Variants in RBFOX1 observed in about 807,000 individuals in gnomAD.
RBFOX1 encodes RNA binding protein fox-1 homolog 1.
Under a neutral mutation model 57.7 loss-of-function variants are expected in RBFOX1, and 8 were observed. The ratio of observed to expected loss-of-function variants is 0.14; its 90% CI spans 0.08 to 0.25. RBFOX1 has a LOEUF of 0.25. RBFOX1 is among the 10% of genes least tolerant of loss of function. The probability of loss-of-function intolerance (pLI) is 1.00; values close to 1 mark genes in which losing one functional copy is unlikely to be tolerated. For synonymous variants in RBFOX1, 326 were observed against 222.4 expected, an observed-to-expected ratio of 1.47 and a Z score of -4.15; for missense variants, 611 against 548.5, an observed-to-expected ratio of 1.11 and a Z score of -1.14.
At position 6,746,549 on chromosome 16, in the gene RBFOX1, T is replaced by C. The variant is rs992360463; in HGVS notation, c.-16+91899T>C. Among the ~76,000 whole-genome samples the C allele has an allele frequency of 2.0e-5, 3 of 152,068 alleles. No individual in the cohort carries two copies. In the South Asian group the frequency reaches 6.2e-4, roughly 32 times the overall value. ...AAAAATTGCCGGGCATGATGGCACA[T>C]GTCTGCAGTCCCTAGCTACCTGGGA... On this transcript the variant is annotated intron_variant, in intron 3 of 15. Coordinates refer to ENST00000550418, the MANE Select transcript of RBFOX1 (RefSeq NM_018723.4).
chr16:5,898,872 C>T (rs1345276710), intron 4 of RBFOX1, among the ~76,000 whole-genome samples: 1 of 147,406 alleles, frequency 6.8e-6, no homozygotes, highest in African/African-American at 2.5e-5. Flanking sequence ...TCAGCCTGGG[C>T]AACATAGTGA....
chr16:5,604,022 TC>T (rs368794634), downstream of RBFOX1, among the ~76,000 whole-genome samples: 75 of 152,138 alleles, frequency 4.9e-4, 1 homozygote, highest in South Asian at 0.013. Context: ...ATGGTGCCAT[TC>T]CCCCCTTCTA....
At chr16:7,506,897 C>G (rs948135021) in intron 4 of RBFOX1, among the ~76,000 whole-genome samples, 1 of 152,176 alleles carries the variant, frequency 6.6e-6, no homozygotes, top group Admixed American at 6.5e-5. Flanking sequence ...AGAGGAAGAA[C>G]TTCACTGGAC....
intron 3 of RBFOX1, among the ~76,000 whole-genome samples, chr16:6,744,953 G>A (rs574934600): frequency 6.6e-6 from 1 of 151,964 alleles, no homozygotes; most frequent in Non-Finnish European, 1.5e-5. Flanking sequence ...GCTTAGTAAA[G>A]TTAAGGAGAA....
At chr16:6,098,707 G>A (rs772736686) in intron 1 of RBFOX1, among the ~76,000 whole-genome samples, 4 of 152,052 alleles carry the variant, frequency 2.6e-5, no homozygotes, top group African/African-American at 4.8e-5. Context: ...CCCTTACTAC[G>A]GGTACAGATG....
intron 3 of RBFOX1, among the ~76,000 whole-genome samples, chr16:6,955,902 C>T (rs970809214): frequency 3.9e-5 from 6 of 152,036 alleles, no homozygotes; most frequent in African/African-American, 1.4e-4. Flanking sequence ...GATGGGGTTT[C>T]ACCATGTTGG....
Position 6,412,605 on chromosome 16 carries a change from G to T in RBFOX1, c.-64+95548G>T, listed in dbSNP as rs116013645. On this transcript the variant is annotated intron_variant, in intron 2 of 15. Transcript: ENST00000550418. ...CATAATAAGAAATACATTTTACATTGAGGCAGCATGCACCTGCAATAATAA... is the reference window on the plus strand; with the variant it reads ...CATAATAAGAAATACATTTTACATTTAGGCAGCATGCACCTGCAATAATAA... Among the ~76,000 whole-genome samples the T allele has an allele frequency of 9.1e-3, 1,384 of 152,264 alleles. 21 individuals are homozygous for T. Among genetic ancestry groups the T allele is most frequent in the African/African-American group, 0.03 (1,267 of 41,546 alleles).
intron 2 of RBFOX1, among the ~76,000 whole-genome samples, chr16:5,482,729 G>T (rs73510526): frequency 6.6e-6 from 1 of 152,116 alleles, no homozygotes; most frequent in Non-Finnish European, 1.5e-5. Flanking sequence ...GCTTCTAAAC[G>T]TGCTGCTGTT....
At chr16:6,966,082 C>G (rs1190972701) in intron 3 of RBFOX1, among the ~76,000 whole-genome samples, 3 of 152,102 alleles carry the variant, frequency 2.0e-5, no homozygotes, top group Non-Finnish European at 2.9e-5. Flanking sequence ...GTGATTTTTA[C>G]TCTATCACGG....
chr16:6,845,167 A>G (rs551427746), intron 3 of RBFOX1, among the ~76,000 whole-genome samples: 1 of 152,172 alleles, frequency 6.6e-6, no homozygotes, highest in Admixed American at 6.5e-5. Context: ...TCTGCACAGA[A>G]GCTCTTTAGT....
chr16:5,691,968 G>A (rs1290288591), intron 3 of RBFOX1, among the ~76,000 whole-genome samples: 11 of 152,106 alleles, frequency 7.2e-5, no homozygotes, highest in African/African-American at 2.7e-4. Flanking sequence ...CGAAGGCTGA[G>A]TGTCACATTC....
Position 6,987,555 on chromosome 16 carries a change from A to G in RBFOX1, c.-15-64502A>G, listed in dbSNP as rs9929003. On this transcript the variant is annotated intron_variant, in intron 3 of 15. Transcript: ENST00000550418. ...CATAATCATATACACGGGCACATCT[A>G]TACATAAGCATAGGTGGGCACAGGT... Among the ~76,000 whole-genome samples, 582 of 152,168 alleles carry G rather than the reference A, an allele frequency of 3.8e-3. 6 individuals carry two copies. Among genetic ancestry groups the G allele is most frequent in the African/African-American group, 0.013 (556 of 41,530 alleles).
At chr16:6,593,250 C>G (rs569014962) in intron 2 of RBFOX1, among the ~76,000 whole-genome samples, 2 of 152,268 alleles carry the variant, frequency 1.3e-5, no homozygotes, top group Admixed American at 1.3e-4. Context: ...CCATCTCTCT[C>G]TGCCCTACTG....
At chr16:5,273,440 C>A (rs2063065567) in intron 1 of RBFOX1, among the ~76,000 whole-genome samples, 1 of 152,064 alleles carries the variant, frequency 6.6e-6, no homozygotes, top group African/African-American at 2.4e-5. Context: ...ACTCTCAGCC[C>A]ACCCCAAAGA....
intron 4 of RBFOX1, among the ~76,000 whole-genome samples, chr16:7,342,425 G>A (rs893989019): frequency 6.6e-6 from 1 of 152,184 alleles, no homozygotes; most frequent in Non-Finnish European, 1.5e-5. Flanking sequence ...TGCGGGGATG[G>A]TCACATCGAC....
chr16:6,207,828 C>T (rs1405799706), intron 1 of RBFOX1, among the ~76,000 whole-genome samples: 1 of 151,994 alleles, frequency 6.6e-6, no homozygotes, highest in Non-Finnish European at 1.5e-5. Context: ...GCTGGGACTA[C>T]AGATGTATGG....
At chr16:7,080,444 G>A (rs114609152) in intron 4 of RBFOX1, among the ~76,000 whole-genome samples, 1,527 of 152,274 alleles carry the variant, frequency 0.01, 30 homozygotes, top group African/African-American at 0.035. Context: ...AGTAATGACT[G>A]TTTGTACTGA....
chr16:5,456,724 G>C (rs567774563), intron 1 of RBFOX1, among the ~76,000 whole-genome samples: 1 of 152,050 alleles, frequency 6.6e-6, no homozygotes. Context: ...GCTGTTAGCT[G>C]GGGAACTTTC....
chr16:5,846,658 C>G (rs1027677089), intron 3 of RBFOX1, among the ~76,000 whole-genome samples: 5 of 152,186 alleles, frequency 3.3e-5, no homozygotes, highest in African/African-American at 1.2e-4. Flanking sequence ...CCACACTCAG[C>G]TGTCTTCATC....
Sources: gnomAD v4.1 joint callset for allele counts (sites outside exome capture counted in the v4.1 genomes callset) on GRCh38, gnomAD v4.1.1 for gene constraint, MANE v1.5 for transcripts, NCBI Gene and HGNC (gene_info 2026-07-23, HGNC 2026-07-21) for gene names.